Variants in H2BC18 observed in about 807,000 individuals in gnomAD.
H2BC18 encodes H2B clustered histone 18.
A neutral mutation model predicts 6.3 loss-of-function variants in H2BC18; 8 were observed. The ratio of observed to expected loss-of-function variants is 1.28; its 90% CI spans 0.75 to 2.31. The LOEUF (loss-of-function observed/expected upper bound fraction) is 2.31, where lower values mean the gene tolerates loss of function less well. H2BC18 is among the 30% of genes most tolerant of loss of function. H2BC18 has a pLI of 0.00. For synonymous variants in H2BC18, 104 were observed against 78.1 expected (o/e 1.33, Z -1.75); for missense variants, 106 against 174.5 (o/e 0.61, Z 2.21).
downstream of H2BC18, among the ~76,000 whole-genome samples, chr1:149,808,966 G>A (rs587609616): frequency 1.4e-4 from 21 of 149,128 alleles, no homozygotes; most frequent in South Asian, 3.6e-3. Flanking sequence ...TTTAGGAACT[G>A]CACCCAGTTT....
At chr1:149,803,895 CT>C (rs1172729384) in intron 1 of H2BC18, 1 of 152,090 alleles carries the variant, frequency 6.6e-6, no homozygotes, top group African/African-American at 2.4e-5. Context: ...GAGAAAAAAC[CT>C]TGTTTTCTTG....
rs1361270347 is a variant in H2BC18, at chr1:149,791,339, A to G, written c.378-8079T>C. 2 of 1,585,026 alleles carry G rather than the reference A, an allele frequency of 1.3e-6. 1 individual carries two copies. Among genetic ancestry groups the G allele is most frequent in the African/African-American group, 2.9e-5 (2 of 69,988 alleles). On this transcript the variant is annotated intron_variant, in intron 1 of 1. Coordinates refer to the H2BC18 transcript ENST00000545683. ...GTTCTCTGGGTGACAATACGTAAAG[A>G]ACTGAAAAGAAAGAAAAAGTGGGAT...
intron 1 of H2BC18, among the ~76,000 whole-genome samples, chr1:149,788,979 T>A (rs1337495127): frequency 6.6e-6 from 1 of 151,904 alleles, no homozygotes; most frequent in African/African-American, 2.4e-5. Flanking sequence ...GGAAGCCCCA[T>A]AGAAAGAGAA....
At chr1:149,808,005 T>C (rs1182036370), downstream of H2BC18, among the ~76,000 whole-genome samples, 1 of 152,076 alleles carries the variant, frequency 6.6e-6, no homozygotes, top group Non-Finnish European at 1.5e-5. Context: ...AATATAATAA[T>C]ATTAAAAAAT....
chr1:149,811,802 G>A (rs1332069128), downstream of H2BC18: 22 of 708,722 alleles, frequency 3.1e-5, no homozygotes, highest in Non-Finnish European at 5.2e-5. Flanking sequence ...ATGCATCCGT[G>A]ACCATGGTAA....
At chr1:149,806,694 T>C (rs587618852) in intron 1 of H2BC18, among the ~76,000 whole-genome samples, 1 of 152,272 alleles carries the variant, frequency 6.6e-6, no homozygotes, top group African/African-American at 2.4e-5. Context: ...AAGACCTCAA[T>C]GACAGTTGGT....
intron 1 of H2BC18, among the ~76,000 whole-genome samples, chr1:149,806,485 G>T (rs1300825561): frequency 2.6e-5 from 4 of 152,108 alleles, no homozygotes; most frequent in Admixed American, 6.5e-5. Flanking sequence ...CTACTCGGGA[G>T]GCTGAAGCAG....
Position 149,812,060 on chromosome 1 carries a change from G to T in H2BC18, c.264C>A (p.Ser88=). ...ASRLAHYNKR[S]TITSREIQTA... ...TCTGGATCTCGCGGGATGTGATGGT[G>T]GAGCGCTTGTTGTAGTGCGCCAGGC... The change falls in exon 1 of 1, where the codon TCC becomes TCA. Residue 88 remains serine, a synonymous_variant. Transcript: ENST00000369167. 6.2e-7 allele frequency: 1 copy of T among 1,614,288 alleles called. No homozygotes were observed.
At chr1:149,791,074 C>G (rs1327871562) in intron 1 of H2BC18, among the ~76,000 whole-genome samples, 2 of 150,990 alleles carry the variant, frequency 1.3e-5, no homozygotes, top group Non-Finnish European at 3.0e-5. Context: ...ACCATATAGC[C>G]AGTTAGAGCT....
intron 1 of H2BC18, chr1:149,791,513 C>T (rs587760613): frequency 5.0e-6 from 8 of 1,610,206 alleles, no homozygotes; most frequent in Non-Finnish European, 6.8e-6. Flanking sequence ...CAGGGGGCCA[C>T]GTAGCAGCGG....
chr1:149,790,183 A>G (rs1553751548), intron 1 of H2BC18: 1 of 1,613,798 alleles, frequency 6.2e-7, no homozygotes, highest in East Asian at 2.2e-5. Context: ...TTCTCCTTCT[A>G]CATGGGCAGC....
intron 1 of H2BC18, among the ~76,000 whole-genome samples, chr1:149,803,062 A>G (rs2091888656): frequency 6.6e-6 from 1 of 152,150 alleles, no homozygotes; most frequent in Non-Finnish European, 1.5e-5. Flanking sequence ...GCATCCTTTA[A>G]TCCTATCAAG....
At chr1:149,793,292 C>T in intron 1 of H2BC18, 3 of 1,191,572 alleles carry the variant, frequency 2.5e-6, no homozygotes, top group African/African-American at 1.7e-5. Context: ...GCCCGCCTCC[C>T]CGTCCAGCTC....
downstream of H2BC18, among the ~76,000 whole-genome samples, chr1:149,808,949 G>C (rs1553754146): frequency 1.3e-5 from 2 of 150,196 alleles, no homozygotes; most frequent in South Asian, 2.1e-4. Flanking sequence ...TTGACTTTTA[G>C]AACAGCTTTA....
downstream of H2BC18, among the ~76,000 whole-genome samples, chr1:149,809,220 TC>T (rs1238928781): frequency 1.2e-3 from 138 of 118,488 alleles, no homozygotes; most frequent in African/African-American, 4.4e-3. Context: ...TCATCCTTTT[TC>T]AAGGCACTAG....
intron 1 of H2BC18, among the ~76,000 whole-genome samples, chr1:149,802,404 TTAAG>T (rs1237633993): frequency 3.3e-5 from 5 of 152,138 alleles, no homozygotes; most frequent in Middle Eastern, 3.2e-3. Flanking sequence ...AATATGGGTC[TTAAG>T]TAAGTAAACA....
At chr1:149,810,348 A>T (rs2091960915), downstream of H2BC18, 2 of 152,100 alleles carry the variant, frequency 1.3e-5, no homozygotes, top group South Asian at 4.1e-4. Flanking sequence ...TCTGGTGATC[A>T]GAAAAAGATG....
intron 1 of H2BC18, among the ~76,000 whole-genome samples, chr1:149,806,480 C>T (rs1229698301): frequency 1.2e-4 from 19 of 152,026 alleles, no homozygotes; most frequent in Admixed American, 7.2e-4. Context: ...CCCAGCTACT[C>T]GGGAGGCTGA....
intron 1 of H2BC18, chr1:149,790,091 A>G (rs782530752): frequency 3.7e-6 from 6 of 1,613,686 alleles, no homozygotes; most frequent in African/African-American, 1.3e-5. Context: ...CATCTGTGAC[A>G]TCCCCACTCC....
Sources: allele counts gnomAD v4.1 joint callset (sites outside exome capture counted in the v4.1 genomes callset), GRCh38; gene constraint gnomAD v4.1.1; transcripts MANE v1.5; gene names NCBI Gene and HGNC (gene_info 2026-07-23, HGNC 2026-07-21).